Variants in RBFOX1 observed in about 807,000 individuals in gnomAD.
RBFOX1 encodes RNA binding fox-1 homolog 1.
In RBFOX1, 8 loss-of-function variants were observed where a neutral mutation model predicts 57.7. That is an observed-to-expected ratio of 0.14 (90% confidence interval 0.08 to 0.25). The LOEUF (loss-of-function observed/expected upper bound fraction) is 0.25, where lower values mean the gene tolerates loss of function less well. Ranked by LOEUF, RBFOX1 falls within the 10% of genes least tolerant of loss-of-function variation. The pLI, the probability that RBFOX1 is intolerant of heterozygous loss-of-function variation, is 1.00. For synonymous variants in RBFOX1, 326 were observed against 222.4 expected (o/e 1.47, Z -4.15); for missense variants, 611 against 548.5 (o/e 1.11, Z -1.14).
intron 4 of RBFOX1, among the ~76,000 whole-genome samples, chr16:5,956,324 A>G (rs931883893): frequency 1.3e-5 from 2 of 152,254 alleles, no homozygotes; most frequent in East Asian, 3.9e-4. Context: ...GTAAAATTTG[A>G]ATTTTACATA....
intron 2 of RBFOX1, among the ~76,000 whole-genome samples, chr16:6,465,072 C>T (rs1259122660): frequency 6.6e-6 from 1 of 152,204 alleles, no homozygotes; most frequent in African/African-American, 2.4e-5. Flanking sequence ...TATATAAGCC[C>T]TGAAGCCCTG....
At chr16:6,485,932 A>G (rs1185039651) in intron 2 of RBFOX1, among the ~76,000 whole-genome samples, 1 of 151,976 alleles carries the variant, frequency 6.6e-6, no homozygotes, top group East Asian at 1.9e-4. Context: ...GGGCCAGGTA[A>G]TTGAAGTACA....
chr16:6,810,928 A>C (rs2088377204), intron 3 of RBFOX1, among the ~76,000 whole-genome samples: 1 of 152,216 alleles, frequency 6.6e-6, no homozygotes, highest in Non-Finnish European at 1.5e-5. Flanking sequence ...AATCATATCA[A>C]GGTTCGGTTG....
intron 4 of RBFOX1, among the ~76,000 whole-genome samples, chr16:7,256,178 G>T (rs2094673661): frequency 1.3e-5 from 2 of 152,202 alleles, no homozygotes. Flanking sequence ...TTCAGTCGAG[G>T]CGAGAAGCTG....
chr16:7,670,829 A>G (rs147007106), intron 13 of RBFOX1, among the ~76,000 whole-genome samples: 221 of 152,314 alleles, frequency 1.5e-3, no homozygotes, highest in Middle Eastern at 0.014. Flanking sequence ...CACATGGAAG[A>G]TTAATCTTGA....
intron 3 of RBFOX1, among the ~76,000 whole-genome samples, chr16:7,016,351 G>A (rs1332077317): frequency 6.6e-6 from 1 of 152,110 alleles, no homozygotes; most frequent in African/African-American, 2.4e-5. Flanking sequence ...GTATAAACTA[G>A]CCTATAGAGT....
chr16:5,963,442 G>T (rs1377566612), intron 4 of RBFOX1, among the ~76,000 whole-genome samples: 1 of 152,206 alleles, frequency 6.6e-6, no homozygotes, highest in African/African-American at 2.4e-5. Context: ...AACAGATGTT[G>T]AATCTTGAGC....
intron 2 of RBFOX1, among the ~76,000 whole-genome samples, chr16:6,565,376 G>T (rs566949783): frequency 6.6e-6 from 1 of 152,068 alleles, no homozygotes; most frequent in African/African-American, 2.4e-5. Flanking sequence ...TCCTGCCTCA[G>T]CCTCCCAAGT....
At chr16:5,855,109 A>G (rs2151872578) in intron 3 of RBFOX1, among the ~76,000 whole-genome samples, 1 of 152,266 alleles carries the variant, frequency 6.6e-6, no homozygotes, top group East Asian at 1.9e-4. Flanking sequence ...TGAGTGCCTC[A>G]TATATTTTGA....
intron 3 of RBFOX1, among the ~76,000 whole-genome samples, chr16:6,917,418 C>T (rs1271903406): frequency 2.0e-5 from 3 of 152,166 alleles, no homozygotes; most frequent in African/African-American, 4.8e-5. Flanking sequence ...AAGAAATCTA[C>T]AAGTGCTTTT....
At chr16:5,655,276 AT>A (rs1041432993) in intron 3 of RBFOX1, among the ~76,000 whole-genome samples, 3 of 152,076 alleles carry the variant, frequency 2.0e-5, no homozygotes, top group Non-Finnish European at 4.4e-5. Context: ...ATGTTCTATG[AT>A]TTTTTTTGAG....
chr16:6,829,201 A>G (rs1327161642), intron 3 of RBFOX1, among the ~76,000 whole-genome samples: 1 of 151,674 alleles, frequency 6.6e-6, no homozygotes, highest in Non-Finnish European at 1.5e-5. Flanking sequence ...GTGTCATTTG[A>G]CCCAAAAGAA....
At position 5,394,268 on chromosome 16, in the gene RBFOX1, C is replaced by T. The variant is rs570333777; in HGVS notation, c.220-72948C>T. Among the ~76,000 whole-genome samples, 693 of 152,190 alleles carry T rather than the reference C, an allele frequency of 4.6e-3. 8 individuals are homozygous for T. The highest frequency in any genetic ancestry group is 5.1e-3 in the African/African-American group (213 of 41,534). ...CAAACTCCTGAACTCGTGATCTGCCCGCCTCAGCCTCTCAAAGTGCTGGGA... is the reference window on the plus strand; with the variant it reads ...CAAACTCCTGAACTCGTGATCTGCCTGCCTCAGCCTCTCAAAGTGCTGGGA... On this transcript the variant is annotated intron_variant, in intron 1 of 2. Coordinates refer to the RBFOX1 transcript ENST00000585867.
At chr16:5,983,627 C>G (rs1312625210) in intron 4 of RBFOX1, among the ~76,000 whole-genome samples, 1 of 152,148 alleles carries the variant, frequency 6.6e-6, no homozygotes, top group Non-Finnish European at 1.5e-5. Context: ...TTTTTTGAAA[C>G]CAACTTCATT....
chr16:6,310,937 A>T (rs1372769026), intron 1 of RBFOX1, among the ~76,000 whole-genome samples: 1 of 152,052 alleles, frequency 6.6e-6, no homozygotes, highest in East Asian at 1.9e-4. Context: ...AATCCCAGAC[A>T]TAGGAAACAA....
At chr16:6,038,926 T>G (rs1001468075) in intron 1 of RBFOX1, 2 of 144,502 alleles carry the variant, frequency 1.4e-5, no homozygotes, top group African/African-American at 2.6e-5. Flanking sequence ...GGATTTTCTG[T>G]GCATCAGTGT....
At chr16:6,039,752 G>T (rs2095415982) in intron 1 of RBFOX1, among the ~76,000 whole-genome samples, 1 of 152,192 alleles carries the variant, frequency 6.6e-6, no homozygotes, top group Non-Finnish European at 1.5e-5. Context: ...ATCTATAGCT[G>T]CATAACAAAT....
intron 3 of RBFOX1, among the ~76,000 whole-genome samples, chr16:5,823,140 G>T (rs1334675564): frequency 6.6e-6 from 1 of 152,134 alleles, no homozygotes; most frequent in African/African-American, 2.4e-5. Flanking sequence ...TTACCCTGAG[G>T]ATCCTGGAGG....
intron 1 of RBFOX1, among the ~76,000 whole-genome samples, chr16:5,321,900 A>T (rs1210139233): frequency 6.6e-6 from 1 of 152,110 alleles, no homozygotes; most frequent in Admixed American, 6.5e-5. Flanking sequence ...ACCTTGCTGC[A>T]CGGCCTTACG....
Sources: gnomAD v4.1 joint callset for allele counts (sites outside exome capture counted in the v4.1 genomes callset) on GRCh38, gnomAD v4.1.1 for gene constraint, MANE v1.5 for transcripts, NCBI Gene and HGNC (gene_info 2026-07-23, HGNC 2026-07-21) for gene names.